TLN2: variants seen among roughly 807,000 people sequenced by gnomAD.
TLN2 encodes talin-2.
In TLN2, 118 loss-of-function variants were observed where a neutral mutation model predicts 294.7. That is an observed-to-expected ratio of 0.40 (90% CI 0.34 to 0.47). TLN2 has a LOEUF of 0.47. Among genes scored for constraint, TLN2 ranks in the 20% least tolerant of loss-of-function variants. The pLI, the probability that TLN2 is intolerant of heterozygous loss-of-function variation, is 0.84. For missense variants in TLN2, 3,083 were observed against 3,282.2 expected (o/e 0.94, Z 1.48); for synonymous variants, 1,431 against 1,304.5 (o/e 1.10, Z -2.09).
At chr15:62,465,510 C>A (rs149120261) in intron 1 of TLN2, among the ~76,000 whole-genome samples, 1 of 152,154 alleles carries the variant, frequency 6.6e-6, no homozygotes, top group Admixed American at 6.5e-5. Context: ...TGTGTTCTGT[C>A]GTTCTCGAAA....
intron 28 of TLN2, among the ~76,000 whole-genome samples, chr15:62,733,673 T>G (rs1041416226): frequency 6.6e-6 from 1 of 152,250 alleles, no homozygotes; most frequent in African/African-American, 2.4e-5. Flanking sequence ...TAGCAACCAT[T>G]ATGTAGAATG....
intron 1 of TLN2, among the ~76,000 whole-genome samples, chr15:62,492,422 G>A (rs1459853784): frequency 6.6e-6 from 1 of 152,058 alleles, no homozygotes; most frequent in Non-Finnish European, 1.5e-5. Context: ...AGCTGGGCGT[G>A]GTTGGGAGTG....
intron 1 of TLN2, among the ~76,000 whole-genome samples, chr15:62,458,643 C>T (rs1188352118): frequency 6.7e-6 from 1 of 148,386 alleles, no homozygotes; most frequent in Non-Finnish European, 1.5e-5. Context: ...ATGGTGCGCA[C>T]CTATAGTCCC....
At chr15:62,418,573 C>T (rs1421390330) in intron 1 of TLN2, among the ~76,000 whole-genome samples, 3 of 152,166 alleles carry the variant, frequency 2.0e-5, no homozygotes, top group East Asian at 1.9e-4. Flanking sequence ...ATGAAGAGAA[C>T]ACCAAACAGG....
At chr15:62,491,343 TATATATATACACACAC>T (rs1357290016) in intron 1 of TLN2, among the ~76,000 whole-genome samples, 24 of 113,552 alleles carry the variant, frequency 2.1e-4, no homozygotes, top group African/African-American at 7.3e-4. Context: ...AAAAAATATA[TATATATATACACACAC>T]ACACACACAC....
At chr15:62,483,401 G>A (rs1368624912) in intron 1 of TLN2, among the ~76,000 whole-genome samples, 2 of 152,180 alleles carry the variant, frequency 1.3e-5, no homozygotes, top group African/African-American at 2.4e-5. Context: ...AAGGTGCTTA[G>A]AACAGACCTC....
intron 42 of TLN2, among the ~76,000 whole-genome samples, chr15:62,775,020 G>C (rs182554514): frequency 1.4e-5 from 2 of 147,046 alleles, no homozygotes; most frequent in African/African-American, 5.1e-5. Context: ...GCAGTGGGGC[G>C]ATCTCAGCTC....
intron 54 of TLN2, among the ~76,000 whole-genome samples, chr15:62,821,831 T>C (rs2067593952): frequency 6.6e-6 from 1 of 152,220 alleles, no homozygotes; most frequent in South Asian, 2.1e-4. Context: ...TGGTTACGCC[T>C]TTGTTTCTGC....
At chr15:62,699,385 A>G (rs1447114685) in intron 16 of TLN2, among the ~76,000 whole-genome samples, 3 of 142,076 alleles carry the variant, frequency 2.1e-5, no homozygotes, top group East Asian at 2.0e-4. Flanking sequence ...CTCTTCCTCT[A>G]TTTTTTTTTT....
chr15:62,618,027 G>C (rs1447033849), intron 2 of TLN2, among the ~76,000 whole-genome samples: 1 of 141,954 alleles, frequency 7.0e-6, no homozygotes. Flanking sequence ...TCGAACTTCT[G>C]GGCTCAAATG....
intron 41 of TLN2, among the ~76,000 whole-genome samples, chr15:62,769,897 G>A (rs942090806): frequency 1.3e-5 from 2 of 152,240 alleles, no homozygotes; most frequent in African/African-American, 2.4e-5. Flanking sequence ...TTTTATCTGA[G>A]TGAGGATAGA....
At chr15:62,778,862 G>T (rs950511048) in intron 43 of TLN2, among the ~76,000 whole-genome samples, 1 of 152,196 alleles carries the variant, frequency 6.6e-6, no homozygotes, top group Non-Finnish European at 1.5e-5. Context: ...CTGACATCCA[G>T]GGCACCACAC....
intron 52 of TLN2, among the ~76,000 whole-genome samples, chr15:62,813,826 T>C (rs1030385771): frequency 2.6e-5 from 4 of 152,134 alleles, no homozygotes; most frequent in Admixed American, 6.5e-5. Flanking sequence ...GCTTTTTTTT[T>C]TTTTGGAGAC....
intron 54 of TLN2, among the ~76,000 whole-genome samples, chr15:62,821,078 G>GT (rs1194965254): frequency 6.6e-6 from 1 of 152,212 alleles, no homozygotes; most frequent in Admixed American, 6.5e-5. Context: ...TAGCTGGTAT[G>GT]TTTTTTCCTT....
rs570948466 is a variant in TLN2, at chr15:62,530,292, T to G, written c.-237-59395T>G. ...AGGAGAAATTCCTAAAAGTAGAATTTTTGGGTCAAAGGAATATAAATGTAT... is the reference window on the plus strand; with the variant it reads ...AGGAGAAATTCCTAAAAGTAGAATTGTTGGGTCAAAGGAATATAAATGTAT... On this transcript the variant is annotated intron_variant, in intron 1 of 58. Transcript: ENST00000636159. Among the ~76,000 whole-genome samples the G allele has an allele frequency of 4.6e-5, 7 of 152,332 alleles. No individual in the cohort carries two copies. The South Asian group carries it at 1.5e-3, about 32-fold the overall frequency.
intron 1 of TLN2, among the ~76,000 whole-genome samples, chr15:62,463,608 C>T (rs111498269): frequency 5.4e-4 from 82 of 152,258 alleles, no homozygotes; most frequent in Admixed American, 1.2e-3. Flanking sequence ...GGAAACAGGC[C>T]GGCGCGGTGC....
intron 11 of TLN2, among the ~76,000 whole-genome samples, chr15:62,681,476 C>A (rs1392028428): frequency 6.6e-6 from 1 of 152,190 alleles, no homozygotes; most frequent in African/African-American, 2.4e-5. Context: ...GAGCTGCTTA[C>A]ATCATATTTT....
rs76400194 is a variant in TLN2, at chr15:62,583,490, G to A, written c.-237-6197G>A. Among the ~76,000 whole-genome samples, 82 of 149,094 alleles carry A rather than the reference G, an allele frequency of 5.5e-4. 1 individual carries two copies. In the East Asian group the frequency reaches 0.016, roughly 29 times the overall value. On this transcript the variant is annotated intron_variant, in intron 1 of 58. Transcript: ENST00000636159. ...AAGAGAAATACTCTTTTCTCCTCTC[G>A]CCCTTCTTTTTTTGTTTTTTTTTGG...
intron 2 of TLN2, 49 bp from the exon 3 acceptor site, chr15:62,618,302 T>C (rs533382317): frequency 5.3e-5 from 8 of 152,352 alleles, no homozygotes; most frequent in African/African-American, 1.7e-4. Context: ...ATTTGTAATG[T>C]TATTTTTACC....
Sources: gnomAD v4.1 joint callset for allele counts (sites outside exome capture counted in the v4.1 genomes callset) on GRCh38, gnomAD v4.1.1 for gene constraint, MANE v1.5 for transcripts, NCBI Gene and HGNC (gene_info 2026-07-23, HGNC 2026-07-21) for gene names.